Variants in CHLSN observed in about 807,000 individuals in gnomAD.
CHLSN encodes protein cholesin.
chr7:1,022,341 T>C, the CHLSN span, among the ~76,000 whole-genome samples: 2 of 152,148 alleles, frequency 1.3e-5, no homozygotes, highest in Non-Finnish European at 2.9e-5. Flanking sequence ...TGGTCCCACG[T>C]CCCACAGCCC....
chr7:1,046,627 G>T, the CHLSN span, among the ~76,000 whole-genome samples: 1 of 152,194 alleles, frequency 6.6e-6, no homozygotes, highest in Non-Finnish European at 1.5e-5. Context: ...CCCGGGACCA[G>T]AAGTCAGTTT....
chr7:1,059,526 C>CGGGTCTTAGTGAGGT, the CHLSN span, among the ~76,000 whole-genome samples: 14,116 of 133,300 alleles, frequency 0.11, 928 homozygotes, highest in Middle Eastern at 0.25. Context: ...TGTAGTGAGG[C>CGGGTCTTAGTGAGGT]GGGTCTTAGT....
the CHLSN span, among the ~76,000 whole-genome samples, chr7:1,119,558 C>T: frequency 6.6e-6 from 1 of 152,124 alleles, no homozygotes; most frequent in African/African-American, 2.4e-5. Context: ...TCACATATCA[C>T]AGTGCTGGCG....
chr7:981,958 C>G, the CHLSN span, among the ~76,000 whole-genome samples: 1 of 152,032 alleles, frequency 6.6e-6, no homozygotes, highest in East Asian at 1.9e-4. Context: ...GCTTGAGCCC[C>G]GGAGGTGGAG....
chr7:1,016,753 A>G, the CHLSN span, among the ~76,000 whole-genome samples: 19 of 84,012 alleles, frequency 2.3e-4, no homozygotes, highest in African/African-American at 5.2e-4. Flanking sequence ...GCACAGCAGC[A>G]CACGCCAGCG....
chr7:985,361 C>G, the CHLSN span: 33 of 1,537,912 alleles, frequency 2.1e-5, no homozygotes, highest in Non-Finnish European at 2.8e-5. Flanking sequence ...TGGGGTGGAG[C>G]CTGGAGTGAT....
chr7:1,053,775 T>C, the CHLSN span, among the ~76,000 whole-genome samples: 27 of 152,236 alleles, frequency 1.8e-4, no homozygotes, highest in African/African-American at 6.3e-4. Context: ...TGCAGTGAGC[T>C]GAGATCGTGC....
At chr7:1,060,690 C>T in the CHLSN span, among the ~76,000 whole-genome samples, 6 of 152,300 alleles carry the variant, frequency 3.9e-5, no homozygotes, top group Non-Finnish European at 7.4e-5. Flanking sequence ...GCTCCTAAGC[C>T]GTGGGATTAG....
At chr7:1,136,511 CATATATAA>C in the CHLSN span, among the ~76,000 whole-genome samples, 1 of 106,354 alleles carries the variant, frequency 9.4e-6, no homozygotes, top group African/African-American at 4.8e-5. Context: ...TATATATAAA[CATATATAA>C]ATATATATAA....
the CHLSN span, chr7:1,028,675 A>G: frequency 1.5e-5 from 5 of 340,472 alleles, no homozygotes; most frequent in Non-Finnish European, 1.7e-5. Context: ...TCGTCCCCCT[A>G]CTTCCCTCAT....
chr7:1,034,426 TA>T, the CHLSN span, among the ~76,000 whole-genome samples: 1 of 152,004 alleles, frequency 6.6e-6, no homozygotes, highest in East Asian at 1.9e-4. Flanking sequence ...AAGATTATTC[TA>T]AAACGTATAT....
the CHLSN span, among the ~76,000 whole-genome samples, chr7:1,053,223 GC>G: frequency 6.6e-6 from 1 of 152,238 alleles, no homozygotes; most frequent in Admixed American, 6.5e-5. Context: ...CCTGGGCCAG[GC>G]CAGGCTCCCA....
the CHLSN span, among the ~76,000 whole-genome samples, chr7:1,070,826 C>CACGTGCG: frequency 7.6e-5 from 2 of 26,206 alleles, no homozygotes; most frequent in Non-Finnish European, 1.5e-4. Context: ...CACACGTGCA[C>CACGTGCG]ACATATACAC....
the CHLSN span, chr7:1,025,647 C>G: frequency 6.6e-6 from 1 of 152,194 alleles, no homozygotes; most frequent in Non-Finnish European, 1.5e-5. Flanking sequence ...ACGGACCGAC[C>G]TCGCCCATCC....
At chr7:1,117,428 C>T in the CHLSN span, among the ~76,000 whole-genome samples, 1 of 122,734 alleles carries the variant, frequency 8.1e-6, no homozygotes, top group Non-Finnish European at 1.6e-5. Context: ...TTCTACGGAC[C>T]GGCTTCCATC....
chr7:1,127,057 T>C, the CHLSN span, among the ~76,000 whole-genome samples: 4 of 152,282 alleles, frequency 2.6e-5, no homozygotes, highest in East Asian at 1.9e-4. Context: ...AAGGCAGTCA[T>C]AGGGTTCCAA....
the CHLSN span, among the ~76,000 whole-genome samples, chr7:993,299 A>C: frequency 6.6e-6 from 1 of 152,196 alleles, no homozygotes; most frequent in African/African-American, 2.4e-5. Flanking sequence ...CCAGGGCCTG[A>C]CTGTGACTGG....
the CHLSN span, among the ~76,000 whole-genome samples, chr7:1,083,536 G>C: frequency 2.0e-5 from 3 of 152,158 alleles, no homozygotes; most frequent in Admixed American, 6.5e-5. Context: ...GCTGAGGCAG[G>C]AGAACGGTGT....
At chr7:1,030,719 C>G in the CHLSN span, among the ~76,000 whole-genome samples, 5 of 144,654 alleles carry the variant, frequency 3.5e-5, no homozygotes, top group Non-Finnish European at 7.5e-5. Context: ...GACTCTCTCT[C>G]TCCCGGGGCA....
Sources: allele counts gnomAD v4.1 joint callset (sites outside exome capture counted in the v4.1 genomes callset), GRCh38; gene constraint gnomAD v4.1.1; transcripts MANE v1.5; gene names NCBI Gene and HGNC (gene_info 2026-07-23, HGNC 2026-07-21).